Variants in GULP1 observed in about 807,000 individuals in gnomAD.
GULP1 encodes the protein GULP PTB domain containing engulfment adaptor 1.
In GULP1, 19 loss-of-function variants were observed where a neutral mutation model predicts 40.9. The observed-to-expected ratio is 0.46, with a 90% confidence interval of 0.32 to 0.68. The LOEUF (loss-of-function observed/expected upper bound fraction) is 0.68, where lower values mean the gene tolerates loss of function less well. Ranked by LOEUF, GULP1 falls within the 30% of genes least tolerant of loss-of-function variation. The probability of loss-of-function intolerance (pLI) is 0.03; values close to 1 mark genes in which losing one functional copy is unlikely to be tolerated. For synonymous variants in GULP1, 119 were observed against 117.6 expected (o/e 1.01, Z -0.08); for missense variants, 312 against 362.2 (o/e 0.86, Z 1.12).
intron 1 of GULP1, among the ~76,000 whole-genome samples, chr2:188,335,031 A>G (rs1354153005): frequency 6.6e-6 from 1 of 152,232 alleles, no homozygotes; most frequent in East Asian, 1.9e-4. Flanking sequence ...TTTTTAAAAG[A>G]GAAGTTGCTG....
chr2:188,544,806 C>G (rs141578432), intron 7 of GULP1, among the ~76,000 whole-genome samples: 1 of 151,748 alleles, frequency 6.6e-6, no homozygotes, highest in Non-Finnish European at 1.5e-5. Flanking sequence ...GAATAAGCAC[C>G]CTTAAAAAAC....
intron 7 of GULP1, among the ~76,000 whole-genome samples, chr2:188,544,648 T>C (rs1386375260): frequency 6.6e-6 from 1 of 151,800 alleles, no homozygotes. Flanking sequence ...AAAGAATCAA[T>C]GACCTGGAAG....
chr2:188,415,260 A>G (rs965754407), intron 2 of GULP1, among the ~76,000 whole-genome samples: 15 of 152,142 alleles, frequency 9.9e-5, no homozygotes, highest in Non-Finnish European at 1.0e-4. Context: ...ACTTAGAAAA[A>G]AAGATTATAG....
At chr2:188,446,455 A>G (rs2152894837) in intron 2 of GULP1, among the ~76,000 whole-genome samples, 1 of 152,290 alleles carries the variant, frequency 6.6e-6, no homozygotes, top group East Asian at 1.9e-4. Context: ...AGACAAATGG[A>G]ATCCAAGTTT....
At chr2:188,546,473 T>C (rs1389906616) in intron 7 of GULP1, among the ~76,000 whole-genome samples, 1 of 152,006 alleles carries the variant, frequency 6.6e-6, no homozygotes, top group Non-Finnish European at 1.5e-5. Context: ...ATTCCATACA[T>C]TAAATAGCGA....
chr2:188,418,635 A>G (rs1285806694), intron 2 of GULP1, among the ~76,000 whole-genome samples: 4 of 152,208 alleles, frequency 2.6e-5, no homozygotes, highest in Non-Finnish European at 4.4e-5. Flanking sequence ...AATGTCTCCA[A>G]AAAAATAAAA....
chr2:188,362,073 C>T (rs2046173620), intron 1 of GULP1, among the ~76,000 whole-genome samples: 1 of 152,030 alleles, frequency 6.6e-6, no homozygotes, highest in Non-Finnish European at 1.5e-5. Flanking sequence ...ATGTCATATA[C>T]TTCTGCCTTT....
intron 4 of GULP1, among the ~76,000 whole-genome samples, chr2:188,518,975 T>C (rs2065458430): frequency 6.6e-6 from 1 of 152,314 alleles, no homozygotes; most frequent in African/African-American, 2.4e-5. Context: ...CTAAGAGTTT[T>C]ATAAGTATTT....
chr2:188,365,897 G>A (rs775689745), intron 1 of GULP1, among the ~76,000 whole-genome samples: 29 of 152,202 alleles, frequency 1.9e-4, no homozygotes, highest in Non-Finnish European at 4.0e-4. Context: ...AAGAGCTAAA[G>A]GGATGCCATC....
chr2:188,585,841 G>A (rs909088722), intron 10 of GULP1, among the ~76,000 whole-genome samples: 12 of 152,138 alleles, frequency 7.9e-5, no homozygotes, highest in Non-Finnish European at 1.3e-4. Flanking sequence ...TTTTACTTAT[G>A]CAAATTTCTG....
At chr2:188,567,985 G>A (rs569246465) in intron 7 of GULP1, among the ~76,000 whole-genome samples, 2 of 151,822 alleles carry the variant, frequency 1.3e-5, no homozygotes, top group African/African-American at 4.8e-5. Context: ...TCATTTATTT[G>A]GTAGTTTTTA....
intron 7 of GULP1, among the ~76,000 whole-genome samples, chr2:188,551,507 A>G (rs1033408682): frequency 6.6e-6 from 1 of 151,712 alleles, no homozygotes; most frequent in African/African-American, 2.4e-5. Flanking sequence ...TGATATCATT[A>G]CTTTTATGGC....
At chr2:188,582,392 T>C (rs765576183) in intron 9 of GULP1, 26 of 471,570 alleles carry the variant, frequency 5.5e-5, no homozygotes, top group Non-Finnish European at 1.1e-4. Context: ...GAGATGCTCA[T>C]CCTCTTTCTG....
chr2:188,347,347 C>T (rs1266622062), intron 1 of GULP1, among the ~76,000 whole-genome samples: 5 of 151,608 alleles, frequency 3.3e-5, no homozygotes, highest in Non-Finnish European at 7.4e-5. Flanking sequence ...AGCTCCTAAT[C>T]GTAATGCTTT....
At chr2:188,496,481 C>T (rs1244459226) in intron 4 of GULP1, among the ~76,000 whole-genome samples, 1 of 151,918 alleles carries the variant, frequency 6.6e-6, no homozygotes, top group Non-Finnish European at 1.5e-5. Context: ...AAAAAATATT[C>T]TTCAGAAACT....
At chr2:188,400,748 G>A (rs935286507) in intron 2 of GULP1, among the ~76,000 whole-genome samples, 5 of 152,160 alleles carry the variant, frequency 3.3e-5, no homozygotes, top group Admixed American at 2.0e-4. Context: ...ACATGCTGTT[G>A]GGAATGAAGA....
intron 2 of GULP1, among the ~76,000 whole-genome samples, chr2:188,462,546 G>A (rs536954612): frequency 2.0e-5 from 3 of 152,226 alleles, no homozygotes; most frequent in Admixed American, 2.0e-4. Flanking sequence ...TATTGGATTG[G>A]AGTCTATCTC....
intron 2 of GULP1, among the ~76,000 whole-genome samples, chr2:188,435,314 T>C (rs1162814983): frequency 6.6e-6 from 1 of 152,052 alleles, no homozygotes; most frequent in Admixed American, 6.6e-5. Context: ...GCTTAGAAAA[T>C]GCCCTTTCAA....
At chr2:188,298,783 G>A (rs2035536126) in intron 1 of GULP1, among the ~76,000 whole-genome samples, 1 of 152,158 alleles carries the variant, frequency 6.6e-6, no homozygotes, top group Admixed American at 6.5e-5. Flanking sequence ...AAATTTTCTA[G>A]AGTAGTACAG....
Sources: allele counts gnomAD v4.1 joint callset (sites outside exome capture counted in the v4.1 genomes callset), GRCh38; gene constraint gnomAD v4.1.1; transcripts MANE v1.5; gene names NCBI Gene and HGNC (gene_info 2026-07-23, HGNC 2026-07-21).